The following STAU1 variants were observed in gnomAD, a reference collection of about 807,000 sequenced individuals.
STAU1 encodes the protein staufen double-stranded RNA binding protein 1.
Under a neutral mutation model 62.9 loss-of-function variants are expected in STAU1, and 13 were observed. The ratio of observed to expected loss-of-function variants is 0.21; its 90% CI spans 0.13 to 0.33. The LOEUF (loss-of-function observed/expected upper bound fraction) is 0.33. Ranked by LOEUF, STAU1 falls within the 10% of genes least tolerant of loss-of-function variation. The pLI, the probability that STAU1 is intolerant of heterozygous loss-of-function variation, is 1.00. For missense variants in STAU1, 571 were observed against 712.1 expected (o/e 0.80, Z 2.25); for synonymous variants, 269 against 265.1 (o/e 1.01, Z -0.14).
Position 49,117,111 on chromosome 20 carries a change from C to G in STAU1, c.1632+15G>C. 1 of 1,613,764 alleles carries G rather than the reference C, an allele frequency of 6.2e-7. No homozygotes were observed. The highest frequency in any genetic ancestry group is 8.5e-7 in the Non-Finnish European group (1 of 1,179,792). ...ACACACAACACCCCAATCCCTCACC[C>G]AAGGTGTGACGTACCATATCATGGC... On this transcript the variant is annotated intron_variant, in intron 12 of 13. Transcript: ENST00000371856. This position sits in a 1 kb window ranked among gnomAD's most constrained non-coding sequence, Gnocchi z 4.6.
At chr20:49,198,549 G>C in the STAU1 span, among the ~76,000 whole-genome samples, 1 of 152,042 alleles carries the variant, frequency 6.6e-6, no homozygotes, top group Admixed American at 6.6e-5. Flanking sequence ...ATAAGAATGG[G>C]ATGGGCATGG....
At chr20:49,212,859 A>G in the STAU1 span, among the ~76,000 whole-genome samples, 1 of 151,926 alleles carries the variant, frequency 6.6e-6, no homozygotes, top group African/African-American at 2.4e-5. Context: ...TGGCCTCCCA[A>G]AGTGCTGGGA....
the STAU1 span, among the ~76,000 whole-genome samples, chr20:49,206,741 A>ATATATATATATATATATG: frequency 2.3e-5 from 3 of 130,590 alleles, no homozygotes; most frequent in African/African-American, 9.4e-5. Flanking sequence ...ATATATATAT[A>ATATATATATATATATATG]TATATATATA....
the STAU1 span, among the ~76,000 whole-genome samples, chr20:49,204,638 ATATATATATTTTTTT>A: frequency 1.8e-5 from 1 of 54,192 alleles, no homozygotes; most frequent in African/African-American, 9.1e-5. Context: ...ATATATATAT[ATATATATATTTTTTT>A]TTTTTTTTTT....
At chr20:49,125,244 A>ATGGGC (rs1303496182) in intron 6 of STAU1, among the ~76,000 whole-genome samples, 1 of 147,388 alleles carries the variant, frequency 6.8e-6, no homozygotes, top group African/African-American at 2.5e-5. Context: ...AAAAAAATCA[A>ATGGGC]TGGGCTGGAC....
chr20:49,137,457 T>A (rs1355191525), intron 5 of STAU1, among the ~76,000 whole-genome samples: 1 of 152,124 alleles, frequency 6.6e-6, no homozygotes, highest in Non-Finnish European at 1.5e-5. Flanking sequence ...TCAAAGCTTA[T>A]CTAGCAAAGT....
At chr20:49,169,684 A>T (rs1314740594) in intron 2 of STAU1, among the ~76,000 whole-genome samples, 5 of 152,210 alleles carry the variant, frequency 3.3e-5, no homozygotes. Flanking sequence ...CTGGTGCTGG[A>T]AAACACCTCT....
the STAU1 span, among the ~76,000 whole-genome samples, chr20:49,196,192 A>T: frequency 0.28 from 41,664 of 148,012 alleles, 6,410 homozygotes; most frequent in East Asian, 0.53. Context: ...ATCCCAGCAC[A>T]TTGGGAGGCC....
At chr20:49,174,168 G>C (rs528275039) in intron 2 of STAU1, 27 bp downstream of exon 2, 4 of 152,276 alleles carry the variant, frequency 2.6e-5, no homozygotes, top group African/African-American at 9.6e-5. Flanking sequence ...CAACAGGCCA[G>C]AAATTATAAA....
intron 6 of STAU1, among the ~76,000 whole-genome samples, chr20:49,132,313 C>T (rs75261292): frequency 0.015 from 2,316 of 152,286 alleles, 46 homozygotes; most frequent in African/African-American, 0.039. Context: ...CCCTCTCCAA[C>T]GGCTTGCATT....
intron 2 of STAU1, among the ~76,000 whole-genome samples, chr20:49,170,049 G>A (rs149347681): frequency 6.6e-6 from 1 of 152,182 alleles, no homozygotes; most frequent in Admixed American, 6.6e-5. Context: ...TGTGGTGAAG[G>A]AGAATCTGGG....
At chr20:49,206,751 A>ATATTTTTTTTTTT in the STAU1 span, among the ~76,000 whole-genome samples, 35 of 95,016 alleles carry the variant, frequency 3.7e-4, no homozygotes, top group African/African-American at 1.5e-3. Context: ...ATATATATAT[A>ATATTTTTTTTTTT]TTTTATTTTA....
intron 2 of STAU1, among the ~76,000 whole-genome samples, chr20:49,170,268 T>C (rs778066547): frequency 2.6e-5 from 4 of 152,248 alleles, no homozygotes; most frequent in Non-Finnish European, 5.9e-5. Context: ...AATTATCTTG[T>C]GCTACTAATA....
chr20:49,185,742 G>A (rs6066998), intron 1 of STAU1, among the ~76,000 whole-genome samples: 7 of 152,010 alleles, frequency 4.6e-5, no homozygotes, highest in Non-Finnish European at 8.8e-5. Context: ...TTCGAGTTTC[G>A]CATGTTTTCC....
In STAU1 at chr20:49,148,822, C is replaced by T. The variant is rs901097110; in HGVS notation, c.510+2760G>A. On this transcript the variant is annotated intron_variant, in intron 5 of 13. Transcript: ENST00000371856. ...GGAGACTCAGAAACACCAACAGGCACTTATCCTTTGTAGCAATACTGTGAT... is the reference window on the plus strand; with the variant it reads ...GGAGACTCAGAAACACCAACAGGCATTTATCCTTTGTAGCAATACTGTGAT... 2.0e-5 allele frequency among the ~76,000 whole-genome samples: 3 copies of T among 152,204 alleles called. No homozygotes were observed. In the South Asian group the frequency reaches 6.2e-4, roughly 31 times the overall value.
At chr20:49,119,266 C>G (rs977290434) in intron 9 of STAU1, among the ~76,000 whole-genome samples, 1 of 152,160 alleles carries the variant, frequency 6.6e-6, no homozygotes, top group African/African-American at 2.4e-5. Context: ...CTCACTGCAG[C>G]CTTGACCTTC....
At chr20:49,203,368 C>T in the STAU1 span, among the ~76,000 whole-genome samples, 1 of 151,676 alleles carries the variant, frequency 6.6e-6, no homozygotes, top group Non-Finnish European at 1.5e-5. Flanking sequence ...GAGGTTGCAG[C>T]GAACCAAGAA....
intron 2 of STAU1, among the ~76,000 whole-genome samples, chr20:49,171,918 T>TAAAAA (rs767623434): frequency 7.6e-6 from 1 of 130,982 alleles, no homozygotes; most frequent in Non-Finnish European, 1.6e-5. Flanking sequence ...CAAACTACTT[T>TAAAAA]AAAAAAAAAA....
chr20:49,171,259 C>A (rs994897545), intron 2 of STAU1, among the ~76,000 whole-genome samples: 1 of 152,242 alleles, frequency 6.6e-6, no homozygotes, highest in African/African-American at 2.4e-5. Context: ...TTTAAATACA[C>A]CTAAAATACC....
Sources: allele counts gnomAD v4.1 joint callset (sites outside exome capture counted in the v4.1 genomes callset), GRCh38; gene constraint gnomAD v4.1.1; non-coding constraint Gnocchi (gnomAD v3.1); transcripts MANE v1.5; gene names NCBI Gene and HGNC (gene_info 2026-07-23, HGNC 2026-07-21).